SLC2A1: variants seen among roughly 807,000 people sequenced by gnomAD.
The protein encoded by SLC2A1 is solute carrier family 2 member 1.
In SLC2A1, 4 loss-of-function variants were observed where a neutral mutation model predicts 46.6. The observed-to-expected ratio is 0.09, with a 90% CI of 0.04 to 0.20. The LOEUF (loss-of-function observed/expected upper bound fraction) is 0.20, where lower values mean the gene tolerates loss of function less well. SLC2A1 is among the 10% of genes least tolerant of loss of function. The pLI, the probability that SLC2A1 is intolerant of heterozygous loss-of-function variation, is 1.00. For missense variants in SLC2A1, 352 were observed against 667.0 expected (o/e 0.53, Z 5.20); for synonymous variants, 253 against 270.0 (o/e 0.94, Z 0.62).
intron 1 of SLC2A1, among the ~76,000 whole-genome samples, chr1:42,949,443 G>A (rs974181356): frequency 6.6e-6 from 1 of 152,090 alleles, no homozygotes; most frequent in Non-Finnish European, 1.5e-5. Flanking sequence ...CCCTCTGACC[G>A]GTTCCATCCT....
chr1:42,943,599 G>A (rs1426435267), intron 1 of SLC2A1, among the ~76,000 whole-genome samples: 1 of 152,150 alleles, frequency 6.6e-6, no homozygotes, highest in Non-Finnish European at 1.5e-5. Context: ...AGAGGCTTTG[G>A]ATTCTTGGGG....
chr1:42,944,604 T>C (rs990038098), intron 1 of SLC2A1, among the ~76,000 whole-genome samples: 3 of 135,300 alleles, frequency 2.2e-5, no homozygotes, highest in East Asian at 2.1e-4. Context: ...ATATTCCCAG[T>C]ATGGTCTTTT....
At chr1:42,944,171 G>C (rs778817641) in intron 1 of SLC2A1, among the ~76,000 whole-genome samples, 5 of 152,150 alleles carry the variant, frequency 3.3e-5, no homozygotes, top group Admixed American at 6.6e-5. Context: ...GTTTCCAATG[G>C]GCAAAGGGAT....
Position 42,930,257 on chromosome 1 carries a change from G to GC in SLC2A1, c.517-223dup. On this transcript the variant is annotated intron_variant, in intron 4 of 9. Coordinates refer to ENST00000426263, the MANE Select transcript of SLC2A1 (RefSeq NM_006516.4). This position sits in a 1 kb window ranked among gnomAD's most constrained non-coding sequence, Gnocchi z 6.2. ...TGTTGCTGGGAGGACAAATGACAAG[G>GC]CCACAGATGTGTCCAGCACAGAGAA... The GC allele has an allele frequency of 3.1e-6, 2 of 637,984 alleles. No individual in the cohort carries two copies. Among genetic ancestry groups the GC allele is most frequent in the Admixed American group, 5.1e-5 (2 of 38,890 alleles). The allele number at this position is 637,984 out of a possible 1,614,324, so 39.5% of individuals were successfully genotyped here. A position where few individuals can be genotyped will look rare whatever the true frequency, so the allele number is the denominator to read the frequency against.
intron 1 of SLC2A1, among the ~76,000 whole-genome samples, chr1:42,945,430 TA>T (rs1278833981): frequency 5.1e-4 from 74 of 145,680 alleles, no homozygotes; most frequent in African/African-American, 5.8e-4. Flanking sequence ...CCTTTTGGGT[TA>T]AAAAAAAAAA....
rs182213252 is a variant in SLC2A1 at position 42,955,658 on chromosome 1, C to A, written c.18+2976G>T. Among the ~76,000 whole-genome samples the A allele has an allele frequency of 9.7e-4, 147 of 152,218 alleles. 1 individual carries two copies. The highest frequency in any genetic ancestry group is 3.5e-3 in the African/African-American group (144 of 41,534). ...ACCACAAAGGGGCTGAGAAAGCCTG[C>A]AGATTTCTGATTTTTCCTTTTCTGG... On this transcript the variant is annotated intron_variant, in intron 1 of 9. Transcript: ENST00000426263.
At chr1:42,947,349 A>G (rs1468883257) in intron 1 of SLC2A1, among the ~76,000 whole-genome samples, 1 of 152,078 alleles carries the variant, frequency 6.6e-6, no homozygotes, top group Non-Finnish European at 1.5e-5. Context: ...TTTCTAGAAC[A>G]TTCCATTCTC....
In SLC2A1 at chr1:42,930,348, G is replaced by A. The variant is rs1411400580; in HGVS notation, c.516+278C>T. On this transcript the variant is annotated intron_variant, in intron 4 of 9. Coordinates refer to ENST00000426263, the MANE Select transcript of SLC2A1 (RefSeq NM_006516.4). The surrounding 1 kb of genome is among the most constrained non-coding windows in gnomAD (Gnocchi z 6.2). ...GGAAGGGGAAGCCTCCTGGAGAGAG[G>A]GTACTGTGCATAACAGCCTGCGGCA... 4.7e-6 allele frequency: 3 copies of A among 643,282 alleles called. No individual in the cohort carries two copies. Among genetic ancestry groups the A allele is most frequent in the Non-Finnish European group, 8.4e-6 (3 of 355,042 alleles). The allele number at this position is 643,282 out of a possible 1,614,324, so 39.8% of individuals were successfully genotyped here.
rs376422395 is a variant in SLC2A1 at position 42,930,877 on chromosome 1, G to A, written c.276-11C>T. The A allele has an allele frequency of 4.7e-5, 76 of 1,601,442 alleles. No individual in the cohort carries two copies. In the African/African-American group the frequency reaches 6.5e-4, roughly 14 times the overall value. On this transcript the variant is annotated splice_polypyrimidine_tract_variant and intron_variant, in intron 3 of 9. Coordinates refer to ENST00000426263, the MANE Select transcript of SLC2A1 (RefSeq NM_006516.4). This position sits in a 1 kb window ranked among gnomAD's most constrained non-coding sequence, Gnocchi z 6.2. ...AGCATTGAATTCCGCCTGGGGACGG[G>A]GTCACAGGTCAGGCCAGTGCCCACA... is the stretch of plus-strand genomic sequence containing the variant.
At chr1:42,950,032 C>A (rs1643703626) in intron 1 of SLC2A1, among the ~76,000 whole-genome samples, 1 of 152,192 alleles carries the variant, frequency 6.6e-6, no homozygotes, top group African/African-American at 2.4e-5. Context: ...GGCTCAGAAA[C>A]CTTTGGGCCA....
intron 2 of SLC2A1, among the ~76,000 whole-genome samples, chr1:42,938,558 C>T (rs1026013276): frequency 6.6e-6 from 1 of 152,218 alleles, no homozygotes; most frequent in African/African-American, 2.4e-5. Context: ...AAGCTTCTGG[C>T]ATCCTCACCA....
Position 42,927,591 on chromosome 1 carries a change from G to T in SLC2A1, c.1278+14C>A. 7.1e-7 allele frequency: 1 copy of T among 1,412,198 alleles called. No individual in the cohort carries two copies. The highest frequency in any genetic ancestry group is 9.7e-7 in the Non-Finnish European group (1 of 1,026,964). 87.5% of individuals were successfully genotyped at this position (1,412,198 alleles called of 1,614,324 possible). A position where few individuals can be genotyped will look rare whatever the true frequency, so the allele number is the denominator to read the frequency against. ...ATGCGTGCGGGTGAGTATAGAGACA[G>T]TGGGGGTTCTCACCTCCACATACTG... On this transcript the variant is annotated intron_variant, in intron 9 of 9. Coordinates refer to ENST00000426263, the MANE Select transcript of SLC2A1 (RefSeq NM_006516.4). The surrounding 1 kb of genome is among the most constrained non-coding windows in gnomAD (Gnocchi z 5.3).
chr1:42,950,482 G>A (rs182097939), intron 1 of SLC2A1, among the ~76,000 whole-genome samples: 65 of 152,352 alleles, frequency 4.3e-4, no homozygotes, highest in African/African-American at 1.2e-3. Flanking sequence ...TGGCTCCTTG[G>A]CCATGTGTGG....
At chr1:42,944,103 T>C (rs1016997924) in intron 1 of SLC2A1, among the ~76,000 whole-genome samples, 1 of 152,122 alleles carries the variant, frequency 6.6e-6, no homozygotes, top group East Asian at 1.9e-4. Flanking sequence ...GACGACATGC[T>C]AGGCGGGAAT....
intron 1 of SLC2A1, among the ~76,000 whole-genome samples, chr1:42,949,603 T>C (rs1643699198): frequency 1.3e-5 from 2 of 152,182 alleles, no homozygotes; most frequent in African/African-American, 2.4e-5. Context: ...CAGACACCCC[T>C]GGTTGCCCTC....
intron 1 of SLC2A1, among the ~76,000 whole-genome samples, chr1:42,944,563 C>G (rs1643630637): frequency 6.6e-6 from 1 of 152,180 alleles, no homozygotes; most frequent in Non-Finnish European, 1.5e-5. Flanking sequence ...AAGATCATCA[C>G]AGATAGCCCT....
At chr1:42,935,783 G>A (rs925335198) in intron 2 of SLC2A1, among the ~76,000 whole-genome samples, 8 of 152,186 alleles carry the variant, frequency 5.3e-5, no homozygotes, top group African/African-American at 1.7e-4. Context: ...TTCAGGGTAT[G>A]AGGCTGCCCA....
At position 42,926,778 on chromosome 1, in the gene SLC2A1, T is replaced by C. The variant is rs1016547015; in HGVS notation, c.*263A>G. The C allele has an allele frequency of 8.3e-6, 12 of 1,447,926 alleles. No individual in the cohort carries two copies. In the South Asian group the frequency reaches 1.1e-4, roughly 13 times the overall value. 89.7% of individuals were successfully genotyped at this position (1,447,926 alleles called of 1,614,324 possible). On this transcript the variant is annotated 3_prime_UTR_variant, in exon 10 of 10. Transcript: ENST00000426263. ...TGGGCACAGGAGACTCAGGCTGATATAAAAATAACAAAATCAGTAATAAAA... is the reference window on the plus strand; with the variant it reads ...TGGGCACAGGAGACTCAGGCTGATACAAAAATAACAAAATCAGTAATAAAA...
chr1:42,927,020 G>A lies in SLC2A1; in HGVS notation c.*21C>T, dbSNP rs539093384. On this transcript the variant is annotated 3_prime_UTR_variant, in exon 10 of 10. Coordinates refer to ENST00000426263, the MANE Select transcript of SLC2A1 (RefSeq NM_006516.4). The surrounding 1 kb of genome is among the most constrained non-coding windows in gnomAD (Gnocchi z 5.3). ...TCCTTAGGGCTGCTGGGAGCAGGCC[G>A]GGCTGGTGATCTGGGGCGACTCACA... 1.1e-5 allele frequency: 18 copies of A among 1,611,956 alleles called. No individual in the cohort carries two copies. The East Asian group carries it at 1.3e-4, about 12-fold the overall frequency.
Sources: allele counts gnomAD v4.1 joint callset (sites outside exome capture counted in the v4.1 genomes callset), GRCh38; gene constraint gnomAD v4.1.1; non-coding constraint Gnocchi (gnomAD v3.1); transcripts MANE v1.5; gene names NCBI Gene and HGNC (gene_info 2026-07-23, HGNC 2026-07-21).